The following HYDIN variants were observed in gnomAD, a reference collection of about 807,000 sequenced individuals.
HYDIN encodes axonemal central pair apparatus protein HYDIN.
Under a neutral mutation model 403.9 loss-of-function variants are expected in HYDIN, and 132 were observed. That is an observed-to-expected ratio of 0.33 (90% CI 0.28 to 0.38). The LOEUF (loss-of-function observed/expected upper bound fraction) is 0.38, where lower values mean the gene tolerates loss of function less well. Among genes scored for constraint, HYDIN ranks in the 10% least tolerant of loss-of-function variants. HYDIN has a pLI of 1.00. For synonymous variants in HYDIN, 1,202 were observed against 1,891.7 expected, an observed-to-expected ratio of 0.64 and a Z score of 9.46; for missense variants, 2,827 against 5,009.5, an observed-to-expected ratio of 0.56 and a Z score of 13.15.
At chr16:71,163,530 G>A (rs1007212751) in intron 5 of HYDIN, among the ~76,000 whole-genome samples, 2 of 152,132 alleles carry the variant, frequency 1.3e-5, no homozygotes, top group African/African-American at 4.8e-5. Context: ...AGCAATACAA[G>A]GTGGCCGAAG....
intron 35 of HYDIN, among the ~76,000 whole-genome samples, chr16:70,973,045 G>A (rs942545367): frequency 4.6e-5 from 7 of 152,136 alleles, no homozygotes; most frequent in African/African-American, 7.2e-5. Context: ...ATCTATGAGT[G>A]AACTGAGACT....
chr16:71,198,210 G>A (rs34589736), intron 1 of HYDIN, among the ~76,000 whole-genome samples: 52,651 of 152,088 alleles, frequency 0.35, 9,560 homozygotes, highest in East Asian at 0.57. Flanking sequence ...TCCATTTTGT[G>A]TATAATAATC....
chr16:71,087,759 G>T (rs1358438609), intron 12 of HYDIN: 12 of 150,102 alleles, frequency 8.0e-5, no homozygotes, highest in African/African-American at 2.9e-4. Context: ...GCTTGTAGAT[G>T]GAGGGAGGTC....
At chr16:71,065,690 T>C (rs2082241065) in intron 15 of HYDIN, among the ~76,000 whole-genome samples, 1 of 152,096 alleles carries the variant, frequency 6.6e-6, no homozygotes, top group South Asian at 2.1e-4. Flanking sequence ...ATGAGGATAA[T>C]TCTAGGGATT....
intron 10 of HYDIN, among the ~76,000 whole-genome samples, chr16:71,110,508 T>C (rs1268340850): frequency 7.0e-6 from 1 of 143,320 alleles, no homozygotes; most frequent in Non-Finnish European, 1.5e-5. Flanking sequence ...CATATATATA[T>C]ATCAATATAT....
At chr16:70,971,742 T>C (rs1295369849) in intron 35 of HYDIN, among the ~76,000 whole-genome samples, 2 of 151,104 alleles carry the variant, frequency 1.3e-5, no homozygotes, top group Non-Finnish European at 3.0e-5. Context: ...AGGGTTTCTC[T>C]ATAGTTATGG....
intron 10 of HYDIN, chr16:71,114,111 G>A (rs1036937316): frequency 2.0e-5 from 3 of 151,414 alleles, no homozygotes; most frequent in Non-Finnish European, 4.4e-5. Context: ...CATCTCCCAG[G>A]CTTCTTCACT....
chr16:71,164,255 G>T (rs1248117352), intron 5 of HYDIN, among the ~76,000 whole-genome samples: 1 of 64,082 alleles, frequency 1.6e-5, no homozygotes, highest in Non-Finnish European at 2.9e-5. Flanking sequence ...AGTGGTGGAG[G>T]TTTTAAAAAA....
intron 58 of HYDIN, among the ~76,000 whole-genome samples, chr16:70,886,203 C>T (rs2041123196): frequency 6.6e-6 from 1 of 152,074 alleles, no homozygotes; most frequent in Admixed American, 6.5e-5. Context: ...AGCAAGACTT[C>T]GTTCTTCAAT....
intron 84 of HYDIN, among the ~76,000 whole-genome samples, chr16:70,810,214 A>G (rs547705763): frequency 6.6e-6 from 1 of 152,206 alleles, no homozygotes; most frequent in African/African-American, 2.4e-5. Context: ...GTGATTCTAT[A>G]TCTGGGATCT....
intron 37 of HYDIN, among the ~76,000 whole-genome samples, chr16:70,964,222 G>A (rs748840399): frequency 2.7e-5 from 4 of 149,052 alleles, no homozygotes; most frequent in South Asian, 4.5e-4. Flanking sequence ...GGAGGGGCTC[G>A]TCTTCTGCTT....
chr16:70,896,369 T>C (rs2076203397), intron 53 of HYDIN, among the ~76,000 whole-genome samples: 1 of 151,958 alleles, frequency 6.6e-6, no homozygotes. Flanking sequence ...GTTTTCTTTT[T>C]TGAGGCAGGC....
chr16:71,226,455 T>C (rs2041036755), intron 1 of HYDIN, among the ~76,000 whole-genome samples: 1 of 152,114 alleles, frequency 6.6e-6, no homozygotes, highest in Non-Finnish European at 1.5e-5. Flanking sequence ...AAGACCTACA[T>C]GTGAAACCCA....
At chr16:71,030,353 A>C (rs1476079612) in intron 19 of HYDIN, among the ~76,000 whole-genome samples, 1 of 151,900 alleles carries the variant, frequency 6.6e-6, no homozygotes, top group Non-Finnish European at 1.5e-5. Flanking sequence ...CACTGCTCCC[A>C]GCCCAAACCT....
chr16:71,137,234 G>T lies in HYDIN; in HGVS notation c.960C>A (p.Thr320=). 1 of 753,978 alleles carries T rather than the reference G, an allele frequency of 1.3e-6. No homozygotes were observed. The highest frequency in any genetic ancestry group is 2.5e-5 in the East Asian group (1 of 39,560). The allele number at this position is 753,978 out of a possible 1,614,324, so 46.7% of individuals were successfully genotyped here. Residue 320 remains threonine (T), a synonymous_variant, in exon 8 of 86, where the codon ACC becomes ACA. Coordinates refer to ENST00000393567, the MANE Select transcript of HYDIN (RefSeq NM_001270974.2). The stretch of plus-strand genomic sequence containing the variant: ...CAATGATATTACTGCGATTGTGAAT[G>T]GTTATAGTTCGCTGATTGGCCAGAG... ...YISLANQRTI[T]IHNRSNIIAH...
chr16:71,192,560 C>T (rs1373245018), intron 1 of HYDIN, among the ~76,000 whole-genome samples: 1 of 152,142 alleles, frequency 6.6e-6, no homozygotes, highest in Non-Finnish European at 1.5e-5. Context: ...TCACATGTAA[C>T]ACCAGGAATG....
At chr16:71,061,224 G>C (rs548018248) in intron 17 of HYDIN, among the ~76,000 whole-genome samples, 1 of 149,196 alleles carries the variant, frequency 6.7e-6, no homozygotes, top group South Asian at 2.2e-4. Flanking sequence ...CTGTGCAGGG[G>C]GGTAGGACAG....
chr16:70,878,082 T>C (rs1252551262), intron 62 of HYDIN, among the ~76,000 whole-genome samples: 6 of 152,134 alleles, frequency 3.9e-5, no homozygotes, highest in Non-Finnish European at 1.5e-5. Flanking sequence ...AACTCCCACG[T>C]GTTGCGGGAG....
intron 4 of HYDIN, among the ~76,000 whole-genome samples, chr16:71,176,816 C>T (rs867831166): frequency 1.3e-5 from 2 of 152,218 alleles, no homozygotes; most frequent in Non-Finnish European, 2.9e-5. Context: ...GGCTTATTCT[C>T]ATCCTCTGTG....
Sources: allele counts gnomAD v4.1 joint callset (sites outside exome capture counted in the v4.1 genomes callset), GRCh38; gene constraint gnomAD v4.1.1; transcripts MANE v1.5; gene names NCBI Gene and HGNC (gene_info 2026-07-23, HGNC 2026-07-21).